KLF13: variants seen among roughly 807,000 people sequenced by gnomAD.
KLF13 encodes the protein Krueppel-like factor 13.
KLF13 carries 8 observed loss-of-function variants against 16.7 expected under a neutral mutation model. That is an observed-to-expected ratio of 0.48 (90% CI 0.28 to 0.87). The LOEUF (loss-of-function observed/expected upper bound fraction) is 0.87, where lower values mean the gene tolerates loss of function less well. KLF13 is among the 40% of genes least tolerant of loss of function. The pLI is 0.10. For missense variants in KLF13, 447 were observed against 452.2 expected (o/e 0.99, Z 0.10); for synonymous variants, 245 against 208.4 (o/e 1.18, Z -1.51).
chr15:31,339,429 A>AC (rs1326942784), intron 1 of KLF13, among the ~76,000 whole-genome samples: 3 of 151,434 alleles, frequency 2.0e-5, no homozygotes, highest in Admixed American at 6.6e-5. Context: ...AGCACAGAGG[A>AC]CCCCCCACTG....
chr15:31,431,372 T>C (rs2040469355), intron 1 of KLF13, among the ~76,000 whole-genome samples: 1 of 152,224 alleles, frequency 6.6e-6, no homozygotes, highest in Non-Finnish European at 1.5e-5. Flanking sequence ...ACAACAGAAA[T>C]GTCCACCAAC....
downstream of KLF13, among the ~76,000 whole-genome samples, chr15:31,381,910 G>A (rs746894916): frequency 5.9e-5 from 9 of 152,218 alleles, no homozygotes; most frequent in Non-Finnish European, 1.0e-4. Flanking sequence ...GGCGGAGAAA[G>A]GTCTGGTGTC....
chr15:31,387,591 C>T (rs2039808764), intron 1 of KLF13, among the ~76,000 whole-genome samples: 1 of 152,148 alleles, frequency 6.6e-6, no homozygotes, highest in African/African-American at 2.4e-5. Flanking sequence ...ACCAAACCCA[C>T]AATATCTTTG....
In KLF13 at chr15:31,327,501, C is replaced by A; in HGVS notation, c.289C>A (p.Arg97Ser). 8.7e-7 allele frequency: 1 copy of A among 1,148,694 alleles called. No individual in the cohort carries two copies. Among genetic ancestry groups the A allele is most frequent in the Non-Finnish European group, 1.1e-6 (1 of 935,846 alleles). The allele number at this position is 1,148,694 out of a possible 1,614,324, so 71.2% of individuals were successfully genotyped here. A position where few individuals can be genotyped will look rare whatever the true frequency, so the allele number is the denominator to read the frequency against. Residue 97 changes from arginine to serine, a missense_variant, in exon 1 of 2, where the codon CGC (arginine) becomes AGC (serine). By Grantham distance (110) the Arg-to-Ser change is moderately radical. This residue lies in a region of KLF13 where 359 missense variants were observed against 282.8 expected (regional missense o/e 1.27). Coordinates refer to ENST00000307145, the MANE Select transcript of KLF13 (RefSeq NM_015995.4). ...GGCCCGGAAGGCGAGGACCCCCTGC[C>A]GCCTGCCGCCGCCCGCCCCCGAGCC... ...AAARKARTPC[R>S]LPPPAPEPTS...
intron 1 of KLF13, among the ~76,000 whole-genome samples, chr15:31,383,822 A>C (rs939962363): frequency 2.0e-5 from 3 of 152,176 alleles, no homozygotes; most frequent in African/African-American, 7.2e-5. Context: ...GAATGGTGTG[A>C]ACCTGGGAGG....
At chr15:31,428,970 G>A (rs1175647319) in intron 1 of KLF13, among the ~76,000 whole-genome samples, 1 of 152,104 alleles carries the variant, frequency 6.6e-6, no homozygotes, top group East Asian at 1.9e-4. Flanking sequence ...TTCAGACAAT[G>A]TGTAGTTGGC....
At chr15:31,349,473 G>A (rs943229418) in intron 1 of KLF13, among the ~76,000 whole-genome samples, 1 of 152,222 alleles carries the variant, frequency 6.6e-6, no homozygotes, top group Non-Finnish European at 1.5e-5. Context: ...TGGGGATCTG[G>A]AGGGCACTTG....
Position 31,372,278 on chromosome 15 carries a change from C to T in KLF13, c.846C>T (p.Ile282=). 6.7e-7 allele frequency: 1 copy of T among 1,487,494 alleles called. No homozygotes were observed. Among genetic ancestry groups the T allele is most frequent in the Non-Finnish European group, 8.9e-7 (1 of 1,121,932 alleles). The allele number at this position is 1,487,494 out of a possible 1,614,324, so 92.1% of individuals were successfully genotyped here. A position where few individuals can be genotyped will look rare whatever the true frequency, so the allele number is the denominator to read the frequency against. ...YSRSDASSPT[I]SPASSP The stretch of plus-strand genomic sequence containing the variant: ...GCTCCGACGCCAGCAGCCCCACCAT[C>T]AGCCCGGCCAGCTCGCCCTGAGCCC... The change falls in exon 2 of 2, where the codon ATC becomes ATT. Residue 282 remains isoleucine, a synonymous_variant. Transcript: ENST00000307145.
downstream of KLF13, among the ~76,000 whole-genome samples, chr15:31,379,589 G>A (rs2039699242): frequency 6.6e-6 from 1 of 152,178 alleles, no homozygotes; most frequent in African/African-American, 2.4e-5. Flanking sequence ...GAGGCCCCCG[G>A]TAATGGAGAA....
At chr15:31,341,941 A>G (rs1176707310) in intron 1 of KLF13, among the ~76,000 whole-genome samples, 1 of 152,178 alleles carries the variant, frequency 6.6e-6, no homozygotes, top group Non-Finnish European at 1.5e-5. Flanking sequence ...GTTGCTATGG[A>G]GACCCTGTTG....
rs2038725193 is a variant in KLF13 at position 31,327,190 on chromosome 15, C to T, written c.-23C>T. Reference sequence around the variant, plus strand: ...GGCTGACGACTCGCAGCAAGAGCACCGCCGCCGGCCCCAGCCCGCAGCATG... The same window carrying T: ...GGCTGACGACTCGCAGCAAGAGCACTGCCGCCGGCCCCAGCCCGCAGCATG... On this transcript the variant is annotated 5_prime_UTR_variant, in exon 1 of 2. Transcript: ENST00000307145. 6 of 1,309,786 alleles carry T rather than the reference C, an allele frequency of 4.6e-6. No individual in the cohort carries two copies. Among genetic ancestry groups the T allele is most frequent in the Non-Finnish European group, 5.8e-6 (6 of 1,031,690 alleles). 81.1% of individuals were successfully genotyped at this position (1,309,786 alleles called of 1,614,324 possible).
chr15:31,329,839 A>C (rs1253654985), intron 1 of KLF13, among the ~76,000 whole-genome samples: 1 of 152,134 alleles, frequency 6.6e-6, no homozygotes, highest in Non-Finnish European at 1.5e-5. Context: ...TCCAAGTTGG[A>C]AGTGCACAGG....
At chr15:31,401,250 T>C (rs1179013146) in intron 2 of KLF13, among the ~76,000 whole-genome samples, 1 of 152,214 alleles carries the variant, frequency 6.6e-6, no homozygotes, top group African/African-American at 2.4e-5. Flanking sequence ...TCCACCCACC[T>C]CAGCCTCCCA....
At chr15:31,334,573 G>A (rs551828313) in intron 1 of KLF13, among the ~76,000 whole-genome samples, 5 of 152,020 alleles carry the variant, frequency 3.3e-5, no homozygotes, top group East Asian at 3.9e-4. Context: ...GATTACAGGC[G>A]CCTGCCACCG....
rs2040283700 is a variant in KLF13 at position 31,418,539 on chromosome 15, A to G, written n.118-16831A>G. ...CAAATAACACTATCAAGAATGAAAGAGGACTATCACTATCAATCCCACAAA... is the reference window on the plus strand; with the variant it reads ...CAAATAACACTATCAAGAATGAAAGGGGACTATCACTATCAATCCCACAAA... On this transcript the variant is annotated intron_variant and non_coding_transcript_variant, in intron 1 of 1. Transcript: ENST00000558225. 2.6e-5 allele frequency among the ~76,000 whole-genome samples: 4 copies of G among 152,188 alleles called. No individual in the cohort carries two copies. The South Asian group carries it at 8.3e-4, about 31-fold the overall frequency.
chr15:31,339,638 C>T (rs542783276), intron 1 of KLF13, among the ~76,000 whole-genome samples: 2 of 152,384 alleles, frequency 1.3e-5, no homozygotes, highest in East Asian at 1.9e-4. Flanking sequence ...AAGGCTGATG[C>T]GTCTGACTGA....
intron 1 of KLF13, among the ~76,000 whole-genome samples, chr15:31,328,485 G>A (rs916578900): frequency 6.6e-6 from 1 of 151,914 alleles, no homozygotes; most frequent in Non-Finnish European, 1.5e-5. Context: ...CGGCGGGGGC[G>A]CGCCCGGCCC....
At chr15:31,405,811 A>T (rs2140997316), downstream of KLF13, among the ~76,000 whole-genome samples, 1 of 152,304 alleles carries the variant, frequency 6.6e-6, no homozygotes, top group African/African-American at 2.4e-5. Context: ...CTTATCTTTC[A>T]TCTGTGTACA....
chr15:31,380,697 G>A (rs1308829372), downstream of KLF13, among the ~76,000 whole-genome samples: 2 of 152,134 alleles, frequency 1.3e-5, no homozygotes, highest in Non-Finnish European at 2.9e-5. Context: ...CCTGCCATTG[G>A]CACCACTCCT....
Sources: allele counts gnomAD v4.1 joint callset (sites outside exome capture counted in the v4.1 genomes callset), GRCh38; gene constraint gnomAD v4.1.1; regional missense constraint gnomAD v4.1.1; transcripts MANE v1.5; gene names NCBI Gene and HGNC (gene_info 2026-07-23, HGNC 2026-07-21).